The following GRAMD1A variants were observed in gnomAD, a reference collection of about 807,000 sequenced individuals.
The protein encoded by GRAMD1A is protein Aster-A.
GRAMD1A carries 50 observed loss-of-function variants against 92.0 expected under a neutral mutation model. The ratio of observed to expected loss-of-function variants is 0.54; its 90% confidence interval spans 0.43 to 0.69. GRAMD1A has a LOEUF of 0.69. Ranked by LOEUF, GRAMD1A falls within the 30% of genes least tolerant of loss-of-function variation. The pLI is 0.00. For missense variants in GRAMD1A, 819 were observed against 978.9 expected (o/e 0.84, Z 2.18); for synonymous variants, 405 against 403.6 (o/e 1.00, Z -0.04).
At position 35,013,525 on chromosome 19, in the gene GRAMD1A, C is replaced by G. The variant is rs1286713173; in HGVS notation, c.720-16C>G. On this transcript the variant is annotated splice_polypyrimidine_tract_variant and intron_variant, in intron 8 of 19. Coordinates refer to ENST00000317991, the MANE Select transcript of GRAMD1A (RefSeq NM_020895.5). This position sits in a 1 kb window ranked among gnomAD's most constrained non-coding sequence, Gnocchi z 4.9. ...CTCAAGGACACAGCAGTCCCGCTTC[C>G]TCCCCTTTCCCACAGGACCCCCAAG... The G allele has an allele frequency of 6.3e-7, 1 of 1,593,510 alleles. No individual in the cohort carries two copies.
chr19:35,018,884 G>A (rs1317473566), intron 11 of GRAMD1A, among the ~76,000 whole-genome samples: 1 of 151,992 alleles, frequency 6.6e-6, no homozygotes, highest in Admixed American at 6.5e-5. Context: ...CTGAGGCTGT[G>A]TGGAGCTCGG....
chr19:35,014,158 G>C (rs1166528902), intron 9 of GRAMD1A, 31 bp from the exon 10 acceptor site: 3 of 1,598,014 alleles, frequency 1.9e-6, no homozygotes, highest in Non-Finnish European at 2.6e-6. Flanking sequence ...GGATGGAGGT[G>C]GCCAAGGCTG....
At chr19:35,005,982 G>A in intron 1 of GRAMD1A, 1 of 456,240 alleles carries the variant, frequency 2.2e-6, no homozygotes. Flanking sequence ...AATCCCACCT[G>A]CACCCCAGAA....
At chr19:35,004,252 T>G (rs1304853404) in intron 1 of GRAMD1A, among the ~76,000 whole-genome samples, 1 of 152,008 alleles carries the variant, frequency 6.6e-6, no homozygotes, top group East Asian at 1.9e-4. Flanking sequence ...GCCACTGTAC[T>G]GCAGCCTGGG....
chr19:35,010,787 CTT>C (rs2015178199), intron 6 of GRAMD1A: 1 of 461,816 alleles, frequency 2.2e-6, no homozygotes, highest in African/African-American at 2.0e-5. Context: ...GCAGACTTCT[CTT>C]TGTGTTTTGT....
Position 35,009,166 on chromosome 19 carries a change from T to C in GRAMD1A, c.56T>C (p.Leu19Pro). The C allele has an allele frequency of 6.2e-7, 1 of 1,613,816 alleles. No individual in the cohort carries two copies. The highest frequency in any genetic ancestry group is 8.5e-7 in the Non-Finnish European group (1 of 1,179,900). Residue 19 changes from leucine (L) to proline (P), a missense_variant, in exon 2 of 20, where the codon CTC (leucine) becomes CCC (proline). Leu to Pro is a moderately conservative substitution (Grantham distance 98). Around this residue, in one of 3 missense-constraint regions of GRAMD1A, gnomAD observed 98 missense variants for 84.0 expected, o/e 1.17. Coordinates refer to ENST00000317991, the MANE Select transcript of GRAMD1A (RefSeq NM_020895.5). Reference sequence around the variant, plus strand: ...AGCACGCCAAGCAGCTCCCCATCGCTCCGGAAACGGCTGCAGCTCCTGCCC... The same window carrying C: ...AGCACGCCAAGCAGCTCCCCATCGCCCCGGAAACGGCTGCAGCTCCTGCCC... Reference protein sequence around the residue: ...GRSTPSSSPSLRKRLQLLPPS... With the variant: ...GRSTPSSSPSPRKRLQLLPPS...
Position 35,013,142 on chromosome 19 carries a change from T to C in GRAMD1A, c.607-114T>C, listed in dbSNP as rs967594034. The C allele has an allele frequency of 2.1e-5, 13 of 624,758 alleles. No homozygotes were observed. Among genetic ancestry groups the C allele is most frequent in the Admixed American group, 7.6e-5 (3 of 39,624 alleles). The allele number at this position is 624,758 out of a possible 1,614,324, so 38.7% of individuals were successfully genotyped here. On this transcript the variant is annotated intron_variant, in intron 7 of 19. Transcript: ENST00000317991. This position sits in a 1 kb window ranked among gnomAD's most constrained non-coding sequence, Gnocchi z 4.9. ...CAGGTCTGGTGCGGGAGATCGTGGCTGCCTCCTTGTGGAAGCCAGGGGAAC... is the reference window on the plus strand; with the variant it reads ...CAGGTCTGGTGCGGGAGATCGTGGCCGCCTCCTTGTGGAAGCCAGGGGAAC...
At chr19:35,011,598 G>A in intron 7 of GRAMD1A, 44 bp downstream of exon 7, 1 of 1,414,524 alleles carries the variant, frequency 7.1e-7, no homozygotes, top group South Asian at 1.1e-5. Context: ...GGTTTCCAGG[G>A]GGACCATGGA....
upstream of GRAMD1A, among the ~76,000 whole-genome samples, chr19:34,998,963 G>C (rs187139533): frequency 6.6e-6 from 1 of 152,090 alleles, no homozygotes; most frequent in Non-Finnish European, 1.5e-5. Context: ...GCTGACAGGG[G>C]CCTTGGGTGC....
At chr19:35,006,275 T>C (rs2014807476) in intron 1 of GRAMD1A, among the ~76,000 whole-genome samples, 1 of 152,134 alleles carries the variant, frequency 6.6e-6, no homozygotes, top group Non-Finnish European at 1.5e-5. Context: ...TGAGCTGAGA[T>C]AGTGCCACTG....
chr19:35,015,979 CAT>C lies in GRAMD1A; in HGVS notation c.1213+13_1213+14del. 4 of 1,610,594 alleles carry C rather than the reference CAT, an allele frequency of 2.5e-6. No homozygotes were observed. The highest frequency in any genetic ancestry group is 3.4e-6 in the Non-Finnish European group (4 of 1,178,206). ...GTGCAAGTTCACAGGTCAGCGGGCG[CAT>C]GAAGGAGAGGCTGAGGTTACCCAGG... is the stretch of plus-strand genomic sequence containing the variant. On this transcript the variant is annotated intron_variant, in intron 11 of 19. Coordinates refer to ENST00000317991, the MANE Select transcript of GRAMD1A (RefSeq NM_020895.5).
chr19:35,014,061 C>T (rs2015444682), intron 9 of GRAMD1A, 128 bp from the exon 10 acceptor site: 7 of 863,680 alleles, frequency 8.1e-6, no homozygotes, highest in South Asian at 3.1e-5. Context: ...GCAGCTCAGC[C>T]GTGAGCCCTC....
chr19:35,003,636 A>G (rs2014583798), intron 1 of GRAMD1A, among the ~76,000 whole-genome samples: 1 of 152,216 alleles, frequency 6.6e-6, no homozygotes. Context: ...GTTTCAGGCT[A>G]GAGGGCTGAG....
upstream of GRAMD1A, among the ~76,000 whole-genome samples, chr19:34,996,464 C>T (rs1274021810): frequency 1.3e-5 from 2 of 152,180 alleles, no homozygotes; most frequent in Non-Finnish European, 2.9e-5. Flanking sequence ...TGAGGGTGTG[C>T]GTTGGGACAA....
At chr19:35,025,531 A>C (rs1346719573) in intron 19 of GRAMD1A, among the ~76,000 whole-genome samples, 1 of 152,198 alleles carries the variant, frequency 6.6e-6, no homozygotes, top group Non-Finnish European at 1.5e-5. Flanking sequence ...CGCATGAGGC[A>C]CTGTGCCCGG....
Position 35,010,211 on chromosome 19 carries a change from G to T in GRAMD1A, c.429+16G>T. The T allele has an allele frequency of 2.5e-6, 4 of 1,602,992 alleles. No homozygotes were observed. Among genetic ancestry groups the T allele is most frequent in the Non-Finnish European group, 3.4e-6 (4 of 1,169,826 alleles). On this transcript the variant is annotated intron_variant, in intron 5 of 19. Transcript: ENST00000317991. ...GGAGACCACGGTGAGCCCGCAGCGG[G>T]GCAGGGTACAGGGGCGGGGGCCCCC...
At chr19:35,006,063 C>T (rs73597406) in intron 1 of GRAMD1A, 5,198 of 441,682 alleles carry the variant, frequency 0.012, 211 homozygotes, top group African/African-American at 0.096. Context: ...CAGTGGCTCA[C>T]AGCTGTAATC....
chr19:35,014,467 C>G lies in GRAMD1A; in HGVS notation c.1069+80C>G, dbSNP rs2015482652. ...TCTTAAGCAAGAGGGGATGGATTCG[C>G]CCGCAGCACTGAGAATCCAGGGGCA... On this transcript the variant is annotated intron_variant, in intron 10 of 19. Transcript: ENST00000317991. The G allele has an allele frequency of 7.2e-6, 9 of 1,244,346 alleles. No homozygotes were observed. In the East Asian group the frequency reaches 2.1e-4, roughly 30 times the overall value. The allele number at this position is 1,244,346 out of a possible 1,614,324, so 77.1% of individuals were successfully genotyped here.
intron 17 of GRAMD1A, 79 bp downstream of exon 17, chr19:35,022,990 C>A: frequency 8.6e-7 from 1 of 1,157,738 alleles, no homozygotes; most frequent in South Asian, 1.4e-5. Context: ...CACCCCATGC[C>A]CCCCAGCTCC....
Sources: allele counts gnomAD v4.1 joint callset (sites outside exome capture counted in the v4.1 genomes callset), GRCh38; gene constraint gnomAD v4.1.1; regional missense constraint gnomAD v4.1.1; non-coding constraint Gnocchi (gnomAD v3.1); transcripts MANE v1.5; gene names NCBI Gene and HGNC (gene_info 2026-07-23, HGNC 2026-07-21).